The following SHISA9 variants were observed in gnomAD, a reference collection of about 807,000 sequenced individuals.
SHISA9 encodes the protein shisa family member 9, also known as protein shisa-9.
Under a neutral mutation model 38.0 loss-of-function variants are expected in SHISA9, and 13 were observed. The ratio of observed to expected loss-of-function variants is 0.34; its 90% CI spans 0.22 to 0.54. SHISA9 has a LOEUF of 0.54. Among genes scored for constraint, SHISA9 ranks in the 20% least tolerant of loss-of-function variants. The pLI is 0.91. For synonymous variants in SHISA9, 275 were observed against 242.0 expected (o/e 1.14, Z -1.27); for missense variants, 538 against 575.8 (o/e 0.93, Z 0.67).
intron 2 of SHISA9, among the ~76,000 whole-genome samples, chr16:12,927,974 T>G (rs1596533896): frequency 6.6e-6 from 1 of 152,198 alleles, no homozygotes; most frequent in Non-Finnish European, 1.5e-5. Flanking sequence ...GTGTGCTGAC[T>G]TTTCGATTTT....
chr16:13,296,323 A>AT, the SHISA9 span, among the ~76,000 whole-genome samples: 1 of 150,956 alleles, frequency 6.6e-6, no homozygotes, highest in African/African-American at 2.4e-5. Context: ...CTCAAGTTAT[A>AT]TTTTTTTAGC....
the SHISA9 span, among the ~76,000 whole-genome samples, chr16:13,317,318 T>C: frequency 6.6e-6 from 1 of 152,178 alleles, no homozygotes; most frequent in Non-Finnish European, 1.5e-5. Context: ...TGTCACAAAA[T>C]GCAAGAGTCA....
the SHISA9 span, among the ~76,000 whole-genome samples, chr16:13,518,251 A>G: frequency 2.0e-5 from 3 of 151,822 alleles, no homozygotes; most frequent in Non-Finnish European, 4.4e-5. Flanking sequence ...TAACCTCCAA[A>G]TGCTCTCGGT....
intron 2 of SHISA9, among the ~76,000 whole-genome samples, chr16:13,158,993 G>C (rs956854340): frequency 1.2e-4 from 18 of 151,124 alleles, no homozygotes; most frequent in African/African-American, 4.1e-4. Context: ...CCAGGAGGCG[G>C]AGGTTGCAAT....
At chr16:13,286,412 AC>A in the SHISA9 span, among the ~76,000 whole-genome samples, 1 of 152,188 alleles carries the variant, frequency 6.6e-6, no homozygotes, top group African/African-American at 2.4e-5. Flanking sequence ...ATTTTTCAGT[AC>A]CATTGCTGCC....
the SHISA9 span, among the ~76,000 whole-genome samples, chr16:13,261,889 G>T: frequency 6.6e-6 from 1 of 152,186 alleles, no homozygotes; most frequent in South Asian, 2.1e-4. Context: ...ATCCTCAGGA[G>T]TCGAAACATC....
chr16:13,433,298 A>G, the SHISA9 span, among the ~76,000 whole-genome samples: 2 of 152,210 alleles, frequency 1.3e-5, no homozygotes, highest in Non-Finnish European at 2.9e-5. Flanking sequence ...GATTTCCTCA[A>G]TCTGTCTGCA....
intron 2 of SHISA9, among the ~76,000 whole-genome samples, chr16:12,955,121 C>T (rs527726467): frequency 6.6e-6 from 1 of 152,108 alleles, no homozygotes; most frequent in South Asian, 2.1e-4. Flanking sequence ...TGTAAGCCTC[C>T]TTCTACATCT....
the SHISA9 span, among the ~76,000 whole-genome samples, chr16:13,509,639 A>G: frequency 6.6e-6 from 1 of 152,194 alleles, no homozygotes; most frequent in Non-Finnish European, 1.5e-5. Context: ...CACCAGGAAA[A>G]ACTATATTTT....
chr16:13,503,769 C>T, the SHISA9 span, among the ~76,000 whole-genome samples: 43,823 of 151,824 alleles, frequency 0.29, 6,864 homozygotes, highest in East Asian at 0.37. Flanking sequence ...GATTTTAAGG[C>T]GTGGATGTAA....
At chr16:13,182,904 T>G (rs983781454) in intron 2 of SHISA9, among the ~76,000 whole-genome samples, 2 of 152,204 alleles carry the variant, frequency 1.3e-5, no homozygotes, top group Non-Finnish European at 2.9e-5. Flanking sequence ...GTCACACAGT[T>G]GCAGTCACAC....
At chr16:13,068,922 G>A (rs535171213) in intron 2 of SHISA9, among the ~76,000 whole-genome samples, 108 of 152,110 alleles carry the variant, frequency 7.1e-4, no homozygotes, top group African/African-American at 2.6e-3. Flanking sequence ...ATGTGTATAC[G>A]TGTGTACATG....
chr16:13,050,529 A>G (rs2073239399), intron 2 of SHISA9, among the ~76,000 whole-genome samples: 1 of 152,152 alleles, frequency 6.6e-6, no homozygotes, highest in Non-Finnish European at 1.5e-5. Context: ...ACAGGGTTTC[A>G]TCATGTTGCC....
chr16:13,255,449 G>T, the SHISA9 span, among the ~76,000 whole-genome samples: 4 of 152,110 alleles, frequency 2.6e-5, no homozygotes, highest in East Asian at 7.7e-4. Context: ...TACATACAAA[G>T]GATTCATTCT....
chr16:12,996,366 T>A (rs2072457464), intron 2 of SHISA9, among the ~76,000 whole-genome samples: 1 of 152,018 alleles, frequency 6.6e-6, no homozygotes, highest in South Asian at 2.1e-4. Flanking sequence ...TGGAGGTGAG[T>A]AGCAGCTGTC....
rs1187179193 is a variant in SHISA9 at position 13,113,563 on chromosome 16, A to T, written c.692-89831A>T. Among the ~76,000 whole-genome samples the T allele has an allele frequency of 3.7e-4, 57 of 152,354 alleles. 1 individual carries two copies. The highest frequency in any genetic ancestry group is 1.5e-5 in the Non-Finnish European group (1 of 68,032). The stretch of plus-strand genomic sequence containing the variant: ...TGGCACTAATCGGACAGAAATAGAC[A>T]TTGAAGTTCTGGGAAAATTGTCTTG... On this transcript the variant is annotated intron_variant, in intron 2 of 4. Transcript: ENST00000558583.
Position 13,201,256 on chromosome 16 carries a change from A to G in SHISA9, c.692-2138A>G, listed in dbSNP as rs529249471. On this transcript the variant is annotated intron_variant, in intron 2 of 4. Transcript: ENST00000558583. ...GGTTTCAGGACCCTCCAAGGATACC[A>G]ATATCAACAGATGCTGAAGTCCCTT... is the stretch of plus-strand genomic sequence containing the variant. Among the ~76,000 whole-genome samples, 15 of 135,114 alleles carry G rather than the reference A, an allele frequency of 1.1e-4. 3 individuals are homozygous for G. Among genetic ancestry groups the G allele is most frequent in the Non-Finnish European group, 1.6e-4 (10 of 62,002 alleles). The allele number at this position is 135,114 out of a possible 152,430, so 88.6% of individuals were successfully genotyped here.
At chr16:13,363,985 CAA>C in the SHISA9 span, among the ~76,000 whole-genome samples, 3 of 152,262 alleles carry the variant, frequency 2.0e-5, no homozygotes, top group Non-Finnish European at 2.9e-5. Flanking sequence ...TGTATTTTAA[CAA>C]ACTTTCCACA....
At chr16:13,128,095 C>T (rs1438421054) in intron 2 of SHISA9, among the ~76,000 whole-genome samples, 1 of 152,064 alleles carries the variant, frequency 6.6e-6, no homozygotes, top group Admixed American at 6.5e-5. Context: ...AGTTTAAATA[C>T]TATTAAGAGT....
Sources: allele counts gnomAD v4.1 joint callset (sites outside exome capture counted in the v4.1 genomes callset), GRCh38; gene constraint gnomAD v4.1.1; transcripts MANE v1.5; gene names NCBI Gene and HGNC (gene_info 2026-07-23, HGNC 2026-07-21).